The following HS3ST4 variants were observed in gnomAD, a reference collection of about 807,000 sequenced individuals.
The protein encoded by HS3ST4 is heparan sulfate-glucosamine 3-sulfotransferase 4, also known as heparan sulfate glucosamine 3-O-sulfotransferase 4.
Under a neutral mutation model 29.2 loss-of-function variants are expected in HS3ST4, and 17 were observed. That is an observed-to-expected ratio of 0.58 (90% CI 0.40 to 0.87). The LOEUF (loss-of-function observed/expected upper bound fraction) is 0.87, where lower values mean the gene tolerates loss of function less well. Among genes scored for constraint, HS3ST4 ranks in the 40% least tolerant of loss-of-function variants. The pLI is 0.00. For synonymous variants in HS3ST4, 314 were observed against 285.7 expected, an observed-to-expected ratio of 1.10 and a Z score of -1.00; for missense variants, 627 against 634.5, an observed-to-expected ratio of 0.99 and a Z score of 0.13.
intron 1 of HS3ST4, among the ~76,000 whole-genome samples, chr16:25,855,887 T>C (rs1287835547): frequency 6.6e-6 from 1 of 152,120 alleles, no homozygotes; most frequent in African/African-American, 2.4e-5. Context: ...TAAACTTTCT[T>C]CCCTCCCTTA....
intron 1 of HS3ST4, among the ~76,000 whole-genome samples, chr16:25,990,079 G>A (rs999826024): frequency 3.3e-5 from 5 of 152,136 alleles, no homozygotes; most frequent in African/African-American, 1.2e-4. Context: ...ATACACGTAA[G>A]GTTTCTCCAT....
At chr16:25,735,850 AGCTAGGG>A (rs1274695092) in intron 1 of HS3ST4, among the ~76,000 whole-genome samples, 2 of 152,182 alleles carry the variant, frequency 1.3e-5, no homozygotes, top group Non-Finnish European at 2.9e-5. Context: ...ATAGACCTGG[AGCTAGGG>A]GGTGGCATCA....
At chr16:26,030,756 C>T (rs994750535) in intron 1 of HS3ST4, among the ~76,000 whole-genome samples, 1 of 152,182 alleles carries the variant, frequency 6.6e-6, no homozygotes, top group Non-Finnish European at 1.5e-5. Context: ...TAAATATGGT[C>T]TTGGGTCCTA....
At chr16:26,008,202 A>T (rs1264949676) in intron 1 of HS3ST4, among the ~76,000 whole-genome samples, 1 of 152,222 alleles carries the variant, frequency 6.6e-6, no homozygotes, top group South Asian at 2.1e-4. Context: ...TACTTTTTAG[A>T]CAAAGAATGA....
intron 1 of HS3ST4, among the ~76,000 whole-genome samples, chr16:26,047,392 A>G (rs1321829223): frequency 6.6e-6 from 1 of 152,190 alleles, no homozygotes; most frequent in Non-Finnish European, 1.5e-5. Flanking sequence ...GACTGTAGCA[A>G]CCTTTCATTT....
chr16:25,746,554 G>A (rs929630862), intron 1 of HS3ST4, among the ~76,000 whole-genome samples: 2 of 140,472 alleles, frequency 1.4e-5, no homozygotes, highest in African/African-American at 5.1e-5. Context: ...ACAATTGGTT[G>A]GTTTTTTTTT....
chr16:25,857,988 T>TTTCTTTTTCTTCCTTC (rs1455239575), intron 1 of HS3ST4, among the ~76,000 whole-genome samples: 1 of 133,630 alleles, frequency 7.5e-6, no homozygotes, highest in East Asian at 2.1e-4. Context: ...TCTGTCTTTC[T>TTTCTTTTTCTTCCTTC]TTTTCTTCCT....
At chr16:26,112,014 C>CAAAAA (rs33971867) in intron 1 of HS3ST4, among the ~76,000 whole-genome samples, 1 of 136,310 alleles carries the variant, frequency 7.3e-6, no homozygotes, top group Non-Finnish European at 1.5e-5. Context: ...AGACTCCACT[C>CAAAAA]AAAAAAAAAA....
chr16:25,963,600 C>T (rs1256579759), intron 1 of HS3ST4, among the ~76,000 whole-genome samples: 1 of 152,220 alleles, frequency 6.6e-6, no homozygotes, highest in Non-Finnish European at 1.5e-5. Context: ...TTTGACACAA[C>T]AGCATGTACT....
chr16:25,816,572 A>G (rs1210620618), intron 1 of HS3ST4, among the ~76,000 whole-genome samples: 1 of 152,244 alleles, frequency 6.6e-6, no homozygotes, highest in Non-Finnish European at 1.5e-5. Context: ...AAGAGGCTAG[A>G]ACATAAACGG....
At chr16:25,967,035 G>A (rs112311489) in intron 1 of HS3ST4, among the ~76,000 whole-genome samples, 1,968 of 152,298 alleles carry the variant, frequency 0.013, 35 homozygotes, top group African/African-American at 0.044. Flanking sequence ...TACAGATTGA[G>A]GAATTCTGAG....
chr16:25,871,600 A>C (rs1967753334), intron 1 of HS3ST4, among the ~76,000 whole-genome samples: 1 of 152,208 alleles, frequency 6.6e-6, no homozygotes, highest in Non-Finnish European at 1.5e-5. Flanking sequence ...AACCTTATAA[A>C]GTAGCAACTA....
chr16:25,984,120 A>G (rs757824140), intron 1 of HS3ST4, among the ~76,000 whole-genome samples: 7 of 151,786 alleles, frequency 4.6e-5, no homozygotes, highest in African/African-American at 7.3e-5. Flanking sequence ...TGTACTTACT[A>G]TTGTTAACTG....
intron 1 of HS3ST4, among the ~76,000 whole-genome samples, chr16:26,010,976 G>T (rs1465082223): frequency 1.3e-5 from 2 of 152,132 alleles, no homozygotes; most frequent in African/African-American, 4.8e-5. Flanking sequence ...TAGTTTTGAG[G>T]AATAAATGAG....
chr16:25,937,565 C>T (rs1159220556), intron 1 of HS3ST4, among the ~76,000 whole-genome samples: 2 of 152,072 alleles, frequency 1.3e-5, no homozygotes, highest in Admixed American at 6.6e-5. Context: ...CATGAAACCC[C>T]GAGTGGTGGT....
intron 1 of HS3ST4, among the ~76,000 whole-genome samples, chr16:26,132,799 T>A (rs967278231): frequency 1.3e-5 from 2 of 152,154 alleles, no homozygotes; most frequent in African/African-American, 4.8e-5. Flanking sequence ...GTGTCAAAAG[T>A]ACATCAGGGG....
intron 1 of HS3ST4, among the ~76,000 whole-genome samples, chr16:25,840,125 A>T (rs1967398427): frequency 6.6e-6 from 1 of 152,196 alleles, no homozygotes; most frequent in Non-Finnish European, 1.5e-5. Flanking sequence ...CTTGATCAAC[A>T]GTATATCACT....
intron 1 of HS3ST4, among the ~76,000 whole-genome samples, chr16:25,740,092 G>C (rs1453782801): frequency 6.6e-6 from 1 of 151,970 alleles, no homozygotes; most frequent in Non-Finnish European, 1.5e-5. Flanking sequence ...TCTGTAGTTG[G>C]ATGATCGTCA....
chr16:25,753,417 A>AT (rs752727719), intron 1 of HS3ST4, among the ~76,000 whole-genome samples: 4 of 152,330 alleles, frequency 2.6e-5, no homozygotes. Flanking sequence ...TGATGGCCAG[A>AT]ATGGCCTCAC....
Sources: gnomAD v4.1 joint callset for allele counts (sites outside exome capture counted in the v4.1 genomes callset) on GRCh38, gnomAD v4.1.1 for gene constraint, MANE v1.5 for transcripts, NCBI Gene and HGNC (gene_info 2026-07-23, HGNC 2026-07-21) for gene names.